TNS3: variants seen among roughly 807,000 people sequenced by gnomAD.
The protein encoded by TNS3 is tensin 3.
In TNS3, 45 loss-of-function variants were observed where a neutral mutation model predicts 140.9. That is an observed-to-expected ratio of 0.32 (90% CI 0.25 to 0.41). The LOEUF (loss-of-function observed/expected upper bound fraction) is 0.41. Among genes scored for constraint, TNS3 ranks in the 10% least tolerant of loss-of-function variants. The pLI is 1.00. For missense variants in TNS3, 1,716 were observed against 1,906.7 expected (o/e 0.90, Z 1.86); for synonymous variants, 815 against 788.4 (o/e 1.03, Z -0.56).
intron 2 of TNS3, among the ~76,000 whole-genome samples, chr7:47,522,249 G>T (rs566715511): frequency 1.3e-5 from 2 of 152,350 alleles, no homozygotes; most frequent in South Asian, 4.1e-4. Context: ...GCCTTTGCAG[G>T]CCTAGGGCTC....
At chr7:47,472,352 G>T (rs1177911012) in intron 4 of TNS3, among the ~76,000 whole-genome samples, 1 of 152,212 alleles carries the variant, frequency 6.6e-6, no homozygotes, top group African/African-American at 2.4e-5. Flanking sequence ...CCCACTGCAT[G>T]TTCCAGGTCG....
At chr7:47,564,652 AAAAAAAAC>A (rs1237149070) in intron 1 of TNS3, among the ~76,000 whole-genome samples, 5 of 148,468 alleles carry the variant, frequency 3.4e-5, no homozygotes, top group Non-Finnish European at 7.4e-5. Context: ...AAAAAAAACA[AAAAAAAAC>A]AAAAAAAGAC....
intron 26 of TNS3, 120 bp downstream of exon 26, chr7:47,292,708 A>G: frequency 1.2e-6 from 1 of 862,466 alleles, no homozygotes; most frequent in East Asian, 2.6e-5. Flanking sequence ...CAACCAAGAG[A>G]ATACGAAAAA....
chr7:47,383,438 T>G (rs1424018196), intron 16 of TNS3, among the ~76,000 whole-genome samples: 1 of 152,106 alleles, frequency 6.6e-6, no homozygotes, highest in Non-Finnish European at 1.5e-5. Flanking sequence ...TCTTTTGGGG[T>G]GATGAAGATG....
chr7:47,355,691 A>G (rs1221800522), intron 17 of TNS3, among the ~76,000 whole-genome samples: 1 of 152,164 alleles, frequency 6.6e-6, no homozygotes, highest in African/African-American at 2.4e-5. Context: ...GTCCAAATAC[A>G]CTGAACTCCC....
rs575906250 is a variant in TNS3, at chr7:47,330,740, G to A, written c.2650+14015C>T. 1.2e-3 allele frequency among the ~76,000 whole-genome samples: 190 copies of A among 152,240 alleles called. 1 individual carries two copies. Among genetic ancestry groups the A allele is most frequent in the African/African-American group, 4.3e-3 (178 of 41,526 alleles). ...AAAGGGGCATTAAACCAAGGAGAAG[G>A]GAGGAGCTGGGGCGCCCAGAGAAGA... On this transcript the variant is annotated intron_variant, in intron 20 of 30. Transcript: ENST00000311160.
intron 20 of TNS3, among the ~76,000 whole-genome samples, chr7:47,332,422 C>T (rs1788392412): frequency 6.6e-6 from 1 of 152,238 alleles, no homozygotes; most frequent in African/African-American, 2.4e-5. Flanking sequence ...GGCTGAACTG[C>T]CTTTTCCTGT....
At chr7:47,280,112 T>G in intron 30 of TNS3, 52 bp downstream of exon 30, 1 of 1,607,768 alleles carries the variant, frequency 6.2e-7, no homozygotes, top group Non-Finnish European at 8.5e-7. Flanking sequence ...AATTCAACTT[T>G]GGAGTACAAC....
At chr7:47,408,491 A>C (rs1034345272) in intron 13 of TNS3, among the ~76,000 whole-genome samples, 1 of 152,046 alleles carries the variant, frequency 6.6e-6, no homozygotes, top group Non-Finnish European at 1.5e-5. Context: ...GCTCTTCCAG[A>C]GGGAAGAGGC....
chr7:47,506,842 C>A, intron 3 of TNS3, 65 bp downstream of exon 3: 2 of 1,208,466 alleles, frequency 1.7e-6, no homozygotes, highest in Admixed American at 2.4e-5. Flanking sequence ...CCCCCCCACA[C>A]ATATCATTCA....
chr7:47,488,805 G>A (rs1797705383), intron 3 of TNS3, among the ~76,000 whole-genome samples: 1 of 150,416 alleles, frequency 6.6e-6, no homozygotes. Flanking sequence ...GGTGAGGCCG[G>A]GGGCTCCTGA....
Position 47,396,793 on chromosome 7 carries a change from C to T in TNS3, c.1024+7G>A, listed in dbSNP as rs1414408779. 1 of 1,608,968 alleles carries T rather than the reference C, an allele frequency of 6.2e-7. No individual in the cohort carries two copies. Among genetic ancestry groups the T allele is most frequent in the Admixed American group, 1.7e-5 (1 of 60,026 alleles). On this transcript the variant is annotated splice_region_variant and intron_variant, in intron 16 of 30. Coordinates refer to ENST00000311160, the MANE Select transcript of TNS3 (RefSeq NM_022748.12). ...TCCATAACTGCACACAAGATGAACACACGCACCTTCTCCATCTGCACTGAG... is the reference window on the plus strand; with the variant it reads ...TCCATAACTGCACACAAGATGAACATACGCACCTTCTCCATCTGCACTGAG...
chr7:47,365,054 T>C (rs1790611952), intron 17 of TNS3, among the ~76,000 whole-genome samples: 1 of 152,264 alleles, frequency 6.6e-6, no homozygotes, highest in Admixed American at 6.5e-5. Context: ...TGAATTTTAC[T>C]GGTCTGTTGT....
intron 1 of TNS3, among the ~76,000 whole-genome samples, chr7:47,533,123 A>ATATATATATAT (rs1186427934): frequency 2.3e-5 from 2 of 88,818 alleles, no homozygotes; most frequent in African/African-American, 6.2e-5. Context: ...ATATATATAT[A>ATATATATATAT]TTTTTTTTTT....
chr7:47,306,406 A>G (rs1786755642), intron 20 of TNS3, among the ~76,000 whole-genome samples: 1 of 152,262 alleles, frequency 6.6e-6, no homozygotes, highest in Admixed American at 6.5e-5. Context: ...CTTCACTCCA[A>G]TGAGGTAAAC....
intron 2 of TNS3, among the ~76,000 whole-genome samples, chr7:47,515,405 T>C (rs891994321): frequency 6.6e-6 from 1 of 152,004 alleles, no homozygotes; most frequent in Non-Finnish European, 1.5e-5. Context: ...TCAACTACAC[T>C]ATCACTATCA....
intron 4 of TNS3, among the ~76,000 whole-genome samples, chr7:47,471,718 C>G (rs1013778732): frequency 6.6e-6 from 1 of 152,258 alleles, no homozygotes; most frequent in African/African-American, 2.4e-5. Context: ...GGGGCCTCAG[C>G]CAGGCTTGCC....
At chr7:47,296,970 TA>T in intron 24 of TNS3, 111 bp downstream of exon 24, 1 of 1,347,134 alleles carries the variant, frequency 7.4e-7, no homozygotes, top group South Asian at 1.5e-5. Context: ...ATACTAAGAA[TA>T]AAATTTGTGA....
intron 3 of TNS3, among the ~76,000 whole-genome samples, chr7:47,501,588 A>G (rs1251206868): frequency 2.0e-5 from 3 of 152,200 alleles, no homozygotes; most frequent in African/African-American, 4.8e-5. Flanking sequence ...GACAGGCTCA[A>G]AGAATGCAGT....
Sources: gnomAD v4.1 joint callset for allele counts (sites outside exome capture counted in the v4.1 genomes callset) on GRCh38, gnomAD v4.1.1 for gene constraint, MANE v1.5 for transcripts, NCBI Gene and HGNC (gene_info 2026-07-23, HGNC 2026-07-21) for gene names.